PTGIS: variants seen among roughly 807,000 people sequenced by gnomAD.
The protein encoded by PTGIS is prostaglandin I2 synthase.
Under a neutral mutation model 50.3 loss-of-function variants are expected in PTGIS, and 45 were observed. The ratio of observed to expected loss-of-function variants is 0.90; its 90% CI spans 0.70 to 1.15. PTGIS has a LOEUF of 1.15. Ranked by LOEUF, PTGIS falls within the 50% of genes most tolerant of loss-of-function variation. The probability of loss-of-function intolerance (pLI) is 0.00; values close to 1 mark genes in which losing one functional copy is unlikely to be tolerated. For synonymous variants in PTGIS, 260 were observed against 267.7 expected (o/e 0.97, Z 0.28); for missense variants, 668 against 661.3 (o/e 1.01, Z -0.11).
At position 49,507,766 on chromosome 20, in the gene PTGIS, C is replaced by A. The variant is rs5586; in HGVS notation, c.*154G>T. On this transcript the variant is annotated 3_prime_UTR_variant, in exon 10 of 10. Coordinates refer to ENST00000244043, the MANE Select transcript of PTGIS (RefSeq NM_000961.4). ...TCTTTGTTCACCCTCTTAGCTTTTC[C>A]CTCCCCTGGACCCAGCCTTCTGGGA... 3,093 of 1,024,178 alleles carry A rather than the reference C, an allele frequency of 3.0e-3. 63 individuals are homozygous for A. In the African/African-American group the frequency reaches 0.042, roughly 14 times the overall value. 63.4% of individuals were successfully genotyped at this position (1,024,178 alleles called of 1,614,324 possible). A position where few individuals can be genotyped will look rare whatever the true frequency, so the allele number is the denominator to read the frequency against.
intron 1 of PTGIS, among the ~76,000 whole-genome samples, chr20:49,552,922 G>T (rs1466161451): frequency 6.6e-6 from 1 of 152,002 alleles, no homozygotes; most frequent in Non-Finnish European, 1.5e-5. Context: ...GTATTTATAT[G>T]TCCTGTATAT....
chr20:49,528,186 G>A (rs184055348), intron 5 of PTGIS, among the ~76,000 whole-genome samples: 5 of 152,184 alleles, frequency 3.3e-5, no homozygotes, highest in Admixed American at 2.0e-4. Context: ...GGTCAACCAT[G>A]GTCCAAAAAT....
intron 1 of PTGIS, among the ~76,000 whole-genome samples, chr20:49,566,483 T>C (rs117632333): frequency 5.9e-5 from 9 of 152,390 alleles, no homozygotes; most frequent in Non-Finnish European, 1.0e-4. Flanking sequence ...TTATTCACTG[T>C]CTTTTTCTTT....
At position 49,507,941 on chromosome 20, in the gene PTGIS, G is replaced by T. The variant is rs760042508; in HGVS notation, c.1482C>A (p.Val494=). 18 of 1,612,824 alleles carry T rather than the reference G, an allele frequency of 1.1e-5. No individual in the cohort carries two copies. The South Asian group carries it at 2.0e-4, about 18-fold the overall frequency. ...GLMQPEHDVP[V]RYRIRP ...TGTGTCATGGGCGGATGCGGTAGCG[G>T]ACGGGCACGTCGTGTTCCGGCTGCA... Residue 494 remains valine, a synonymous_variant, in exon 10 of 10, where the codon GTC becomes GTA. Transcript: ENST00000244043.
At chr20:49,557,410 G>A (rs1982645423) in intron 1 of PTGIS, among the ~76,000 whole-genome samples, 1 of 151,914 alleles carries the variant, frequency 6.6e-6, no homozygotes, top group African/African-American at 2.4e-5. Flanking sequence ...GGGAAACAGA[G>A]TGAGACCCCG....
intron 1 of PTGIS, among the ~76,000 whole-genome samples, chr20:49,556,487 G>A (rs1177609325): frequency 6.6e-6 from 1 of 152,102 alleles, no homozygotes; most frequent in African/African-American, 2.4e-5. Flanking sequence ...CTAAATCCTT[G>A]GCTGGGTGTG....
At chr20:49,544,216 G>A (rs978113151) in intron 4 of PTGIS, 89 bp downstream of exon 4, 30 of 1,556,090 alleles carry the variant, frequency 1.9e-5, no homozygotes, top group Non-Finnish European at 2.5e-5. Context: ...CACCCACAGA[G>A]TCCTCACGGT....
chr20:49,555,729 G>T (rs1982610269), intron 1 of PTGIS, among the ~76,000 whole-genome samples: 2 of 152,166 alleles, frequency 1.3e-5, no homozygotes, highest in South Asian at 4.1e-4. Flanking sequence ...AAATTTCCTT[G>T]TCAATTGTGT....
chr20:49,537,232 A>G (rs1028237471), intron 5 of PTGIS, among the ~76,000 whole-genome samples: 10 of 152,158 alleles, frequency 6.6e-5, no homozygotes, highest in Admixed American at 2.6e-4. Context: ...TCTGCTCATC[A>G]GGGAAGTTGG....
chr20:49,555,860 C>A lies in PTGIS; in HGVS notation c.75-5671G>T, dbSNP rs1017409454. ...AGTACTCTTAAACATGGGCTTCTGACAACCTTAGAGATTGTGCCATTGGAA... is the reference window on the plus strand; with the variant it reads ...AGTACTCTTAAACATGGGCTTCTGAAAACCTTAGAGATTGTGCCATTGGAA... On this transcript the variant is annotated intron_variant, in intron 1 of 9. Coordinates refer to ENST00000244043, the MANE Select transcript of PTGIS (RefSeq NM_000961.4). Among the ~76,000 whole-genome samples the A allele has an allele frequency of 6.6e-5, 10 of 152,242 alleles. 1 individual carries two copies. The South Asian group carries it at 1.9e-3, about 28-fold the overall frequency.
rs1982500437 is a variant in PTGIS, at chr20:49,551,255, TG to T, written c.75-1067del. On this transcript the variant is annotated intron_variant, in intron 1 of 9. Coordinates refer to ENST00000244043, the MANE Select transcript of PTGIS (RefSeq NM_000961.4). The stretch of plus-strand genomic sequence containing the variant: ...CCTGAAAGACTGGTTCAGGCCGTGG[TG>T]GGAAGTGGGGGTCAGACATGACTCA... Among the ~76,000 whole-genome samples, 3 of 152,072 alleles carry T rather than the reference TG, an allele frequency of 2.0e-5. No individual in the cohort carries two copies. The South Asian group carries it at 6.2e-4, about 32-fold the overall frequency.
intron 1 of PTGIS, among the ~76,000 whole-genome samples, chr20:49,567,288 T>C (rs2122915877): frequency 6.6e-6 from 1 of 152,348 alleles, no homozygotes; most frequent in Admixed American, 6.5e-5. Flanking sequence ...TTCTCCTAAA[T>C]CACAGATGCT....
Position 49,507,800 on chromosome 20 carries a change from G to A in PTGIS, c.*120C>T. 7.4e-7 allele frequency: 1 copy of A among 1,356,188 alleles called. No homozygotes were observed. The highest frequency in any genetic ancestry group is 1.2e-5 in the South Asian group (1 of 81,514). The allele number at this position is 1,356,188 out of a possible 1,614,324, so 84.0% of individuals were successfully genotyped here. On this transcript the variant is annotated 3_prime_UTR_variant, in exon 10 of 10. Transcript: ENST00000244043. The stretch of plus-strand genomic sequence containing the variant: ...GACCCAGCCTTCTGGGAGAAAAGCA[G>A]GGAAGTGGTAATGCTAGCACCTGCA...
At chr20:49,516,342 A>G (rs1380779143) in intron 6 of PTGIS, among the ~76,000 whole-genome samples, 1 of 152,132 alleles carries the variant, frequency 6.6e-6, no homozygotes, top group East Asian at 1.9e-4. Flanking sequence ...CAATGGCACG[A>G]TCGTGGCTCA....
In PTGIS at chr20:49,524,243, C is replaced by T; in HGVS notation, c.674-4G>A. On this transcript the variant is annotated splice_polypyrimidine_tract_variant and splice_region_variant and intron_variant, in intron 5 of 9. Transcript: ENST00000244043. The stretch of plus-strand genomic sequence containing the variant: ...CTGCACATGTGGTCCTTGTCCCCTG[C>T]AGGGACAGAGCACAGAGAGTAGGGG... 6.2e-7 allele frequency: 1 copy of T among 1,613,884 alleles called. No homozygotes were observed. The highest frequency in any genetic ancestry group is 8.5e-7 in the Non-Finnish European group (1 of 1,179,944).
At chr20:49,517,325 G>A (rs556806767) in intron 6 of PTGIS, among the ~76,000 whole-genome samples, 4 of 152,186 alleles carry the variant, frequency 2.6e-5, no homozygotes, top group African/African-American at 4.8e-5. Flanking sequence ...GGGGGCCACC[G>A]CTCATTAATT....
At chr20:49,538,258 A>G (rs1982132407) in intron 5 of PTGIS, among the ~76,000 whole-genome samples, 1 of 107,650 alleles carries the variant, frequency 9.3e-6, no homozygotes, top group Admixed American at 8.8e-5. Context: ...CTGGTTCAGA[A>G]AAAAAAAAAA....
chr20:49,539,980 G>A (rs571338133), intron 4 of PTGIS, among the ~76,000 whole-genome samples: 3 of 152,216 alleles, frequency 2.0e-5, no homozygotes, highest in African/African-American at 2.4e-5. Context: ...GGTGCCCCGC[G>A]GCACTGTCAG....
Position 49,554,838 on chromosome 20 carries a change from T to C in PTGIS, c.75-4649A>G, listed in dbSNP as rs542899503. ...TTATAAAAGTTTAGAAAATGGTTTA[T>C]GGAAATTACATCTTAGGGTCAAGAT... On this transcript the variant is annotated intron_variant, in intron 1 of 9. Coordinates refer to ENST00000244043, the MANE Select transcript of PTGIS (RefSeq NM_000961.4). Among the ~76,000 whole-genome samples, 3 of 152,370 alleles carry C rather than the reference T, an allele frequency of 2.0e-5. No individual in the cohort carries two copies. In the South Asian group the frequency reaches 6.2e-4, roughly 32 times the overall value.
Sources: allele counts gnomAD v4.1 joint callset (sites outside exome capture counted in the v4.1 genomes callset), GRCh38; gene constraint gnomAD v4.1.1; transcripts MANE v1.5; gene names NCBI Gene and HGNC (gene_info 2026-07-23, HGNC 2026-07-21).